PXDNL: variants seen among roughly 807,000 people sequenced by gnomAD.
PXDNL encodes the protein probable oxidoreductase PXDNL.
Under a neutral mutation model 150.8 loss-of-function variants are expected in PXDNL, and 145 were observed. The observed-to-expected ratio is 0.96, with a 90% CI of 0.84 to 1.10. The LOEUF (loss-of-function observed/expected upper bound fraction) is 1.10, where lower values mean the gene tolerates loss of function less well. PXDNL is among the 50% of genes least tolerant of loss of function. The pLI is 0.00. For missense variants in PXDNL, 2,087 were observed against 1,873.9 expected (o/e 1.11, Z -2.10); for synonymous variants, 757 against 725.7 (o/e 1.04, Z -0.69).
intron 17 of PXDNL, among the ~76,000 whole-genome samples, chr8:51,405,668 C>T (rs1167287058): frequency 1.3e-5 from 2 of 152,170 alleles, no homozygotes; most frequent in African/African-American, 4.8e-5. Context: ...CCGTAAAAAC[C>T]ATTTTATTTT....
intron 12 of PXDNL, chr8:51,436,576 A>G: frequency 4.7e-6 from 1 of 212,060 alleles, no homozygotes; most frequent in Admixed American, 5.3e-5. Context: ...AACCATGCAA[A>G]TACATGGAAA....
chr8:51,672,471 C>T (rs541956553), intron 1 of PXDNL, among the ~76,000 whole-genome samples: 6 of 152,176 alleles, frequency 3.9e-5, no homozygotes, highest in Admixed American at 2.0e-4. Flanking sequence ...CCTATGGCTT[C>T]GTTTCTGCCT....
intron 2 of PXDNL, among the ~76,000 whole-genome samples, chr8:51,637,293 C>T (rs536809722): frequency 6.1e-4 from 93 of 152,158 alleles, no homozygotes; most frequent in African/African-American, 2.2e-3. Context: ...AATCAGAGTG[C>T]CTCTCCCCCT....
chr8:51,660,204 TTAAA>T (rs1198931374), intron 1 of PXDNL, among the ~76,000 whole-genome samples: 1 of 135,156 alleles, frequency 7.4e-6, no homozygotes, highest in Non-Finnish European at 1.6e-5. Context: ...ATTTAAGATA[TTAAA>T]TAGTGTGCGC....
intron 14 of PXDNL, among the ~76,000 whole-genome samples, chr8:51,423,221 T>C (rs1186275534): frequency 6.6e-6 from 1 of 152,244 alleles, no homozygotes; most frequent in Non-Finnish European, 1.5e-5. Context: ...GGCTAGAGTA[T>C]GTAGTACATG....
chr8:51,473,517 T>C (rs756777003), intron 7 of PXDNL, among the ~76,000 whole-genome samples: 2 of 151,984 alleles, frequency 1.3e-5, no homozygotes, highest in Non-Finnish European at 2.9e-5. Context: ...AAAGACAGCA[T>C]GTAAAAAGTC....
At chr8:51,438,733 C>T (rs953091826) in intron 12 of PXDNL, among the ~76,000 whole-genome samples, 1 of 152,092 alleles carries the variant, frequency 6.6e-6, no homozygotes, top group Admixed American at 6.5e-5. Flanking sequence ...GGCACATAAA[C>T]CAATGGAACA....
At chr8:51,482,395 C>T (rs1177911834) in intron 6 of PXDNL, among the ~76,000 whole-genome samples, 1 of 152,190 alleles carries the variant, frequency 6.6e-6, no homozygotes, top group Non-Finnish European at 1.5e-5. Flanking sequence ...TTTACAGGCT[C>T]ATAGGCAGAA....
chr8:51,615,168 A>C (rs916076610), intron 2 of PXDNL, among the ~76,000 whole-genome samples: 1 of 152,216 alleles, frequency 6.6e-6, no homozygotes, highest in East Asian at 1.9e-4. Context: ...TAGCAGTACA[A>C]CATAAAATAG....
chr8:51,488,145 A>T (rs566205804), intron 5 of PXDNL, among the ~76,000 whole-genome samples: 8 of 152,382 alleles, frequency 5.2e-5, no homozygotes, highest in African/African-American at 1.9e-4. Context: ...TGAAATAATT[A>T]CCAGGATGCT....
At chr8:51,464,131 AGGC>A (rs1441477004) in intron 8 of PXDNL, among the ~76,000 whole-genome samples, 1 of 152,166 alleles carries the variant, frequency 6.6e-6, no homozygotes, top group East Asian at 1.9e-4. Flanking sequence ...TGGGAGGCTG[AGGC>A]AGGAGGACTT....
At chr8:51,641,716 G>A (rs1814760185) in intron 2 of PXDNL, among the ~76,000 whole-genome samples, 1 of 151,870 alleles carries the variant, frequency 6.6e-6, no homozygotes, top group South Asian at 2.1e-4. Context: ...ACAGGTGCTG[G>A]AGAGGATGTG....
intron 4 of PXDNL, among the ~76,000 whole-genome samples, chr8:51,535,740 A>T (rs552648551): frequency 8.2e-5 from 12 of 145,754 alleles, no homozygotes; most frequent in African/African-American, 2.9e-4. Flanking sequence ...TAAATAAATA[A>T]AAATAAAGTT....
chr8:51,625,671 A>T (rs1814348150), intron 2 of PXDNL, among the ~76,000 whole-genome samples: 1 of 152,226 alleles, frequency 6.6e-6, no homozygotes, highest in Non-Finnish European at 1.5e-5. Flanking sequence ...GCTTAAAGGA[A>T]AAATCAAGTT....
chr8:51,726,459 T>C lies in PXDNL; in HGVS notation c.165-71699A>G, dbSNP rs145879929. ...CTTACCTCCCTGTCTTACGTCTCTT[T>C]GTGCCCACAGAAACCGCCTGGGACC... On this transcript the variant is annotated intron_variant, in intron 1 of 22. Transcript: ENST00000356297. Among the ~76,000 whole-genome samples the C allele has an allele frequency of 9.6e-3, 1,467 of 152,340 alleles. 15 individuals carry two copies. The highest frequency in any genetic ancestry group is 0.013 in the Non-Finnish European group (910 of 68,032).
At position 51,563,547 on chromosome 8, in the gene PXDNL, G is replaced by A. The variant is rs191505502; in HGVS notation, c.309-6636C>T. Among the ~76,000 whole-genome samples, 152 of 152,066 alleles carry A rather than the reference G, an allele frequency of 1.0e-3. 1 individual carries two copies. The highest frequency in any genetic ancestry group is 3.5e-3 in the African/African-American group (145 of 41,502). ...TCAATCCATAACAGTATTTTAGATT[G>A]AATAGAGAGAAAAGAATGAGTAACA... On this transcript the variant is annotated intron_variant, in intron 3 of 22. Transcript: ENST00000356297.
At chr8:51,364,022 C>T (rs574967727) in intron 19 of PXDNL, among the ~76,000 whole-genome samples, 9 of 152,266 alleles carry the variant, frequency 5.9e-5, no homozygotes, top group South Asian at 4.1e-4. Context: ...ACAATCACAT[C>T]CACTTCCAGT....
intron 21 of PXDNL, among the ~76,000 whole-genome samples, chr8:51,332,394 C>T (rs1805716386): frequency 1.3e-5 from 2 of 152,116 alleles, no homozygotes. Context: ...AGAAAACCAA[C>T]CCTGGTAATA....
chr8:51,809,083 A>C, intron 1 of PXDNL, 98 bp downstream of exon 1: 1 of 1,248,090 alleles, frequency 8.0e-7, no homozygotes, highest in East Asian at 2.4e-5. Context: ...ACAAGCAGGG[A>C]GAGCATTAGG....
Sources: allele counts gnomAD v4.1 joint callset (sites outside exome capture counted in the v4.1 genomes callset), GRCh38; gene constraint gnomAD v4.1.1; transcripts MANE v1.5; gene names NCBI Gene and HGNC (gene_info 2026-07-23, HGNC 2026-07-21).